Variants in PARD3 observed in about 807,000 individuals in gnomAD.
PARD3 encodes the protein partitioning defective 3 homolog.
PARD3 carries 75 observed loss-of-function variants against 155.4 expected under a neutral mutation model. That is an observed-to-expected ratio of 0.48 (90% CI 0.40 to 0.58). The LOEUF (loss-of-function observed/expected upper bound fraction) is 0.58. PARD3 is among the 20% of genes least tolerant of loss of function. The probability of loss-of-function intolerance (pLI) is 0.00; values close to 1 mark genes in which losing one functional copy is unlikely to be tolerated. For synonymous variants in PARD3, 576 were observed against 610.5 expected (o/e 0.94, Z 0.83); for missense variants, 1,642 against 1,721.7 (o/e 0.95, Z 0.82).
At chr10:34,387,364 A>T (rs1379882670) in intron 7 of PARD3, among the ~76,000 whole-genome samples, 1 of 152,180 alleles carries the variant, frequency 6.6e-6, no homozygotes, top group Non-Finnish European at 1.5e-5. Flanking sequence ...TCTTGGATAC[A>T]TCCTTTCAGT....
chr10:34,121,547 G>GT (rs1452957930), intron 23 of PARD3, among the ~76,000 whole-genome samples: 28 of 152,342 alleles, frequency 1.8e-4, no homozygotes, highest in African/African-American at 6.5e-4. Context: ...TTGGCGAGCT[G>GT]TAAGATAACA....
chr10:34,662,521 T>C (rs779123888), intron 2 of PARD3, among the ~76,000 whole-genome samples: 4 of 152,130 alleles, frequency 2.6e-5, no homozygotes, highest in African/African-American at 4.8e-5. Flanking sequence ...CATCAACAGA[T>C]GAATGAATAA....
chr10:34,223,833 T>A (rs2799460), intron 22 of PARD3, among the ~76,000 whole-genome samples: 152,088 of 152,316 alleles, frequency 1, 75,933 homozygotes, highest in Middle Eastern at 1. Context: ...CTGCTTGTAT[T>A]GAATGGGAAA....
chr10:34,811,930 G>A (rs576316374), intron 1 of PARD3, among the ~76,000 whole-genome samples: 1 of 152,308 alleles, frequency 6.6e-6, no homozygotes, highest in African/African-American at 2.4e-5. Flanking sequence ...ACTGTCCTCA[G>A]CGAGGCTCCT....
At chr10:34,116,459 T>G (rs2132654377) in intron 24 of PARD3, among the ~76,000 whole-genome samples, 1 of 152,222 alleles carries the variant, frequency 6.6e-6, no homozygotes, top group East Asian at 1.9e-4. Flanking sequence ...AAACTTGGAC[T>G]TGACTCAAGC....
At chr10:34,669,704 C>T (rs1228506673) in intron 2 of PARD3, among the ~76,000 whole-genome samples, 1 of 151,972 alleles carries the variant, frequency 6.6e-6, no homozygotes, top group East Asian at 1.9e-4. Flanking sequence ...AGGAACTGGA[C>T]CCTTCTCACA....
At chr10:34,737,608 C>G (rs1237140780) in intron 1 of PARD3, among the ~76,000 whole-genome samples, 3 of 152,138 alleles carry the variant, frequency 2.0e-5, no homozygotes, top group Non-Finnish European at 2.9e-5. Context: ...AGAGGAGGTG[C>G]CTTTAGAAGG....
At chr10:34,235,703 T>A (rs769955584) in intron 22 of PARD3, among the ~76,000 whole-genome samples, 3 of 152,196 alleles carry the variant, frequency 2.0e-5, no homozygotes, top group Non-Finnish European at 4.4e-5. Flanking sequence ...TATCCACTTG[T>A]GGTCTTACTG....
chr10:34,401,867 A>G lies in PARD3; in HGVS notation c.765T>C (p.His255=). 1 of 1,613,716 alleles carries G rather than the reference A, an allele frequency of 6.2e-7. No homozygotes were observed. Among genetic ancestry groups the G allele is most frequent in the Non-Finnish European group, 8.5e-7 (1 of 1,179,654 alleles). The change falls in exon 6 of 25, where the codon CAT becomes CAC. Residue 255 remains histidine (H), a synonymous_variant. Coordinates refer to ENST00000374788, the MANE Select transcript of PARD3 (RefSeq NM_001184785.2). The part of the protein sequence containing the change: ...EDNSRVEPVG[H]ADTGLEHIPN... ...GTATATGCTCCAAACCCGTGTCAGC[A>G]TGTCCAACAGGTTCAACACGACTGT...
At position 34,257,141 on chromosome 10, in the gene PARD3, C is replaced by T. The variant is rs187697625; in HGVS notation, c.3419+12516G>A. Among the ~76,000 whole-genome samples the T allele has an allele frequency of 9.4e-3, 1,424 of 152,132 alleles. 26 individuals are homozygous for T. The highest frequency in any genetic ancestry group is 0.039 in the Admixed American group (589 of 15,264). On this transcript the variant is annotated intron_variant, in intron 22 of 24. Coordinates refer to ENST00000374788, the MANE Select transcript of PARD3 (RefSeq NM_001184785.2). ...ATTTACACCAAGGACTTAGGGTACC[C>T]AAGGAAAAGCTCTAGAACATCTGGG...
In PARD3 at chr10:34,198,669, T is replaced by C. The variant is rs547906698; in HGVS notation, c.3420-67086A>G. Among the ~76,000 whole-genome samples, 8 of 152,302 alleles carry C rather than the reference T, an allele frequency of 5.3e-5. No homozygotes were observed. The South Asian group carries it at 1.2e-3, about 24-fold the overall frequency. ...ATTTTGATAGAAAATTTTCACTACC[T>C]GTCATTTTGTTTTACAACAGTCAAC... On this transcript the variant is annotated intron_variant, in intron 22 of 24. Transcript: ENST00000374788.
At chr10:34,622,656 T>C (rs980451144) in intron 2 of PARD3, among the ~76,000 whole-genome samples, 1 of 152,186 alleles carries the variant, frequency 6.6e-6, no homozygotes, top group Non-Finnish European at 1.5e-5. Context: ...TGAATGAATT[T>C]CTTGGACAAA....
At chr10:34,170,749 G>A (rs753712201) in intron 22 of PARD3, among the ~76,000 whole-genome samples, 1 of 152,172 alleles carries the variant, frequency 6.6e-6, no homozygotes, top group African/African-American at 2.4e-5. Context: ...AGAGGATTAT[G>A]AGAAAGCCTA....
intron 4 of PARD3, among the ~76,000 whole-genome samples, chr10:34,461,667 TC>T (rs954562231): frequency 2.6e-4 from 40 of 152,294 alleles, no homozygotes; most frequent in Middle Eastern, 3.4e-3. Context: ...AAATATTTTT[TC>T]AATGTATATA....
At chr10:34,138,332 T>C (rs1019958450) in intron 22 of PARD3, among the ~76,000 whole-genome samples, 2 of 152,304 alleles carry the variant, frequency 1.3e-5, no homozygotes, top group Admixed American at 1.3e-4. Flanking sequence ...GAATGTCCCA[T>C]GGAAATCTAT....
At chr10:34,182,026 C>G (rs1348530690) in intron 22 of PARD3, among the ~76,000 whole-genome samples, 3 of 152,210 alleles carry the variant, frequency 2.0e-5, no homozygotes, top group African/African-American at 7.2e-5. Flanking sequence ...TAACACTGCT[C>G]TCTTTCTGAG....
chr10:34,533,535 G>A (rs780419844), intron 2 of PARD3, among the ~76,000 whole-genome samples: 122 of 151,924 alleles, frequency 8.0e-4, no homozygotes, highest in African/African-American at 2.8e-3. Context: ...GGCAGGGTGC[G>A]GTGGCTCACA....
At position 34,348,163 on chromosome 10, in the gene PARD3, C is replaced by T. The variant is rs760818940; in HGVS notation, c.2068-48G>A. The T allele has an allele frequency of 7.9e-6, 12 of 1,514,696 alleles. No individual in the cohort carries two copies. The East Asian group carries it at 2.6e-4, about 33-fold the overall frequency. The allele number at this position is 1,514,696 out of a possible 1,614,324, so 93.8% of individuals were successfully genotyped here. Reference sequence around the variant, plus strand: ...GCAAAGAAAAATCAGTACCTGGAGGCCAATTAGCAGCATGGGAGAATTATA... The same window carrying T: ...GCAAAGAAAAATCAGTACCTGGAGGTCAATTAGCAGCATGGGAGAATTATA... On this transcript the variant is annotated intron_variant, in intron 14 of 24. Coordinates refer to ENST00000374788, the MANE Select transcript of PARD3 (RefSeq NM_001184785.2).
At chr10:34,638,618 A>G (rs2092565323) in intron 2 of PARD3, among the ~76,000 whole-genome samples, 1 of 152,222 alleles carries the variant, frequency 6.6e-6, no homozygotes. Context: ...AAGGATGCTC[A>G]CTCACAAACT....
Sources: gnomAD v4.1 joint callset for allele counts (sites outside exome capture counted in the v4.1 genomes callset) on GRCh38, gnomAD v4.1.1 for gene constraint, MANE v1.5 for transcripts, NCBI Gene and HGNC (gene_info 2026-07-23, HGNC 2026-07-21) for gene names.